STEAP1B: variants seen among roughly 807,000 people sequenced by gnomAD.
STEAP1B encodes STEAP family protein MGC87042.
A neutral mutation model predicts 27.9 loss-of-function variants in STEAP1B; 13 were observed. The observed-to-expected ratio is 0.47, with a 90% CI of 0.30 to 0.74. STEAP1B has a LOEUF of 0.74. Among genes scored for constraint, STEAP1B ranks in the 30% least tolerant of loss-of-function variants. The probability of loss-of-function intolerance (pLI) is 0.06; values close to 1 mark genes in which losing one functional copy is unlikely to be tolerated. For synonymous variants in STEAP1B, 86 were observed against 107.1 expected (o/e 0.80, Z 1.22); for missense variants, 250 against 298.7 (o/e 0.84, Z 1.20).
intron 4 of STEAP1B, among the ~76,000 whole-genome samples, chr7:22,469,531 T>A (rs1348873870): frequency 6.6e-6 from 1 of 152,244 alleles, no homozygotes; most frequent in Admixed American, 6.5e-5. Flanking sequence ...CAGCTCTATT[T>A]ATGGAAAGTT....
At chr7:22,448,589 C>A (rs1198831632) in intron 4 of STEAP1B, among the ~76,000 whole-genome samples, 1 of 151,946 alleles carries the variant, frequency 6.6e-6, no homozygotes, top group African/African-American at 2.4e-5. Context: ...ATTGGCTTAT[C>A]ATTAAAATTA....
In STEAP1B at chr7:22,493,839, A is replaced by G. The variant is rs1372030426; in HGVS notation, c.85-3T>C. ...CTGGTCTCTCCCGTGTCCTCATGCT[A>G]CAAAGGAAAGAAAATTAACATCTTA... On this transcript the variant is annotated splice_polypyrimidine_tract_variant and splice_region_variant and intron_variant, in intron 2 of 4. Transcript: ENST00000678116. The G allele has an allele frequency of 6.3e-7, 1 of 1,575,462 alleles. No homozygotes were observed. The highest frequency in any genetic ancestry group is 1.1e-5 in the South Asian group (1 of 88,856).
intron 4 of STEAP1B, chr7:22,492,319 CAAAAAAAAAAAAAAAAAA>C (rs56679156): frequency 5.5e-5 from 3 of 54,796 alleles, no homozygotes; most frequent in East Asian, 8.2e-4. Flanking sequence ...ACTTCATCTC[CAAAAAAAAAAAAAAAAAA>C]AAAAAAAAAA....
intron 4 of STEAP1B, among the ~76,000 whole-genome samples, chr7:22,449,374 C>T (rs910181378): frequency 6.6e-6 from 1 of 152,212 alleles, no homozygotes; most frequent in African/African-American, 2.4e-5. Context: ...TCAGATCCCA[C>T]AAATAAGTGA....
chr7:22,425,499 A>C (rs2128398775), intron 4 of STEAP1B, among the ~76,000 whole-genome samples: 1 of 152,318 alleles, frequency 6.6e-6, no homozygotes, highest in Non-Finnish European at 1.5e-5. Context: ...TTAAAAAAAC[A>C]GTCAGTTGGC....
Position 22,419,915 on chromosome 7 carries a change from T to C in STEAP1B, c.763-79A>G, listed in dbSNP as rs143538637. ...ATATTAATTTGCGTCCATTTTATTA[T>C]GGAAAACATGAGAAATTGCAAGTAT... On this transcript the variant is annotated intron_variant, in intron 4 of 4. Coordinates refer to ENST00000678116, the MANE Select transcript of STEAP1B (RefSeq NM_001382447.1). 1.0e-5 allele frequency: 15 copies of C among 1,453,260 alleles called. No individual in the cohort carries two copies. The Admixed American group carries it at 1.4e-4, about 13-fold the overall frequency. The allele number at this position is 1,453,260 out of a possible 1,614,324, so 90.0% of individuals were successfully genotyped here.
chr7:22,499,102 G>A (rs894754325), intron 1 of STEAP1B, among the ~76,000 whole-genome samples: 1 of 152,222 alleles, frequency 6.6e-6, no homozygotes, highest in African/African-American at 2.4e-5. Flanking sequence ...GTGTTAAAAT[G>A]TTAGGAACCC....
At chr7:22,456,602 C>T (rs1403681600) in intron 4 of STEAP1B, among the ~76,000 whole-genome samples, 1 of 151,916 alleles carries the variant, frequency 6.6e-6, no homozygotes, top group African/African-American at 2.4e-5. Context: ...TTACTTATGC[C>T]CATTTTGAAT....
In STEAP1B at chr7:22,493,424, A is replaced by T; in HGVS notation, c.497T>A (p.Leu166His). The T allele has an allele frequency of 6.2e-7, 1 of 1,613,994 alleles. No homozygotes were observed. Among genetic ancestry groups the T allele is most frequent in the Non-Finnish European group, 8.5e-7 (1 of 1,179,884 alleles). ...CAGTACAGCAAAAAACAAACTGAGA[A>T]GCCCAAACTGCTTTCTTGTTAACAT... is the stretch of plus-strand genomic sequence containing the variant. ...KWMLTRKQFG[L>H]LSLFFAVLHA... Residue 166 changes from leucine to histidine, a missense_variant, in exon 3 of 5, where the codon CTT becomes CAT. Transcript: ENST00000678116.
chr7:22,466,952 C>T (rs2128409595), intron 4 of STEAP1B, among the ~76,000 whole-genome samples: 1 of 152,306 alleles, frequency 6.6e-6, no homozygotes, highest in East Asian at 1.9e-4. Context: ...ACACCTGCCT[C>T]CCAGGGCTGC....
chr7:22,424,010 C>G (rs1022421682), intron 4 of STEAP1B, among the ~76,000 whole-genome samples: 1 of 152,116 alleles, frequency 6.6e-6, no homozygotes, highest in African/African-American at 2.4e-5. Flanking sequence ...GCCTGGGCAG[C>G]AGAGTGAGAC....
At chr7:22,468,779 TG>T (rs943973551) in intron 4 of STEAP1B, among the ~76,000 whole-genome samples, 2 of 152,188 alleles carry the variant, frequency 1.3e-5, no homozygotes, top group African/African-American at 4.8e-5. Flanking sequence ...ATAATGGAGC[TG>T]AAAAATTCTC....
intron 4 of STEAP1B, among the ~76,000 whole-genome samples, chr7:22,428,070 T>A (rs779326170): frequency 1.4e-4 from 22 of 152,180 alleles, no homozygotes; most frequent in Non-Finnish European, 2.1e-4. Flanking sequence ...AGGCAAGAAC[T>A]GGGTCTTTAA....
At chr7:22,466,859 C>G (rs1002289673) in intron 4 of STEAP1B, among the ~76,000 whole-genome samples, 10 of 152,168 alleles carry the variant, frequency 6.6e-5, no homozygotes, top group African/African-American at 2.4e-4. Context: ...AGGTCCAAGC[C>G]CTGCACTTGC....
chr7:22,485,194 C>T (rs1786181013), intron 4 of STEAP1B, among the ~76,000 whole-genome samples: 1 of 152,198 alleles, frequency 6.6e-6, no homozygotes, highest in Admixed American at 6.5e-5. Context: ...CATCAAACAG[C>T]ATCACATGCC....
chr7:22,431,152 G>A (rs181794581), intron 4 of STEAP1B, among the ~76,000 whole-genome samples: 179 of 152,242 alleles, frequency 1.2e-3, no homozygotes, highest in Middle Eastern at 3.4e-3. Context: ...CAGTATTGGC[G>A]CAGTAACGAA....
rs115375456 is a variant in STEAP1B at position 22,421,920 on chromosome 7, T to A, written c.763-2084A>T. Among the ~76,000 whole-genome samples the A allele has an allele frequency of 3.2e-3, 490 of 152,346 alleles. 1 individual carries two copies. Among genetic ancestry groups the A allele is most frequent in the African/African-American group, 0.011 (462 of 41,578 alleles). ...TACTAGAACCTCCCATGGGAAAATC[T>A]GCAGTATGGATAAAACTTTGAATTT... On this transcript the variant is annotated intron_variant, in intron 4 of 4. Transcript: ENST00000678116.
At chr7:22,460,214 G>A (rs73083175) in intron 4 of STEAP1B, among the ~76,000 whole-genome samples, 20,272 of 151,790 alleles carry the variant, frequency 0.13, 1,483 homozygotes, top group Non-Finnish European at 0.17. Context: ...TATGGGGTAG[G>A]GTTGGGGGAG....
At chr7:22,425,151 T>C (rs929404585) in intron 4 of STEAP1B, among the ~76,000 whole-genome samples, 1 of 152,212 alleles carries the variant, frequency 6.6e-6, no homozygotes, top group Non-Finnish European at 1.5e-5. Flanking sequence ...TCTAAGGTCA[T>C]CATAACCTTA....
Sources: allele counts gnomAD v4.1 joint callset (sites outside exome capture counted in the v4.1 genomes callset), GRCh38; gene constraint gnomAD v4.1.1; transcripts MANE v1.5; gene names NCBI Gene and HGNC (gene_info 2026-07-23, HGNC 2026-07-21).